The following SPATA24 variants were observed in gnomAD, a reference collection of about 807,000 sequenced individuals.
The protein encoded by SPATA24 is spermatogenesis associated 24, also known as spermatogenesis-associated protein 24.
A neutral mutation model predicts 28.9 loss-of-function variants in SPATA24; 21 were observed. The ratio of observed to expected loss-of-function variants is 0.73; its 90% CI spans 0.52 to 1.05. SPATA24 has a LOEUF of 1.05. Ranked by LOEUF, SPATA24 falls within the 50% of genes least tolerant of loss-of-function variation. The probability of loss-of-function intolerance (pLI) is 0.00; values close to 1 mark genes in which losing one functional copy is unlikely to be tolerated. For missense variants in SPATA24, 215 were observed against 242.9 expected, an observed-to-expected ratio of 0.88 and a Z score of 0.76; for synonymous variants, 76 against 89.9, an observed-to-expected ratio of 0.85 and a Z score of 0.88.
At chr5:139,393,234 G>A (rs1205555297), downstream of SPATA24, 5 of 1,548,916 alleles carry the variant, frequency 3.2e-6, no homozygotes, top group Admixed American at 9.8e-5. Flanking sequence ...CCATGCGCGG[G>A]CGTCCCGAGG....
At chr5:139,392,821 C>G, downstream of SPATA24, 2 of 1,519,750 alleles carry the variant, frequency 1.3e-6, no homozygotes, top group Non-Finnish European at 1.8e-6. The surrounding 1 kb of genome is among the most constrained non-coding windows in gnomAD (Gnocchi z 5.8). Context: ...TCCAGGGCCG[C>G]GCGCTCGCAC....
At chr5:139,393,595 G>A (rs1250323117), downstream of SPATA24, 2 of 1,550,638 alleles carry the variant, frequency 1.3e-6, no homozygotes, top group African/African-American at 1.4e-5. Context: ...CGGCGGGGAC[G>A]GGCTGCTACG....
At chr5:139,395,553 G>A (rs991743958), downstream of SPATA24, 2 of 159,190 alleles carry the variant, frequency 1.3e-5, no homozygotes, top group African/African-American at 2.4e-5. Context: ...TCAGCCCCGG[G>A]TGCCTTAGCA....
At chr5:139,399,313 T>A (rs1212690966) in intron 4 of SPATA24, among the ~76,000 whole-genome samples, 1 of 130,624 alleles carries the variant, frequency 7.7e-6, no homozygotes, top group African/African-American at 3.0e-5. Flanking sequence ...CAAGACTCCA[T>A]CTCAAAAAAA....
intron 1 of SPATA24, 121 bp from the exon 2 acceptor site, chr5:139,402,814 C>T: frequency 4.1e-6 from 3 of 728,370 alleles, no homozygotes; most frequent in Non-Finnish European, 4.7e-6. Flanking sequence ...AGACTGAGGC[C>T]TTGGGAAGGG....
Position 139,403,958 on chromosome 5 carries a change from G to T in SPATA24, c.103C>A (p.Gln35Lys). 6.4e-7 allele frequency: 1 copy of T among 1,551,570 alleles called. No homozygotes were observed. The highest frequency in any genetic ancestry group is 1.7e-4 in the Middle Eastern group (1 of 5,994). Reference protein sequence around the residue: ...VIESQEELIHQLRNVMVLQDE... With the variant: ...VIESQEELIHKLRNVMVLQDE... Reference sequence around the variant, plus strand: ...TGGCTGCATACCACGTTCCTCAGCTGGTGGATTAGTTCCTCCTGAGACTCA... The same window carrying T: ...TGGCTGCATACCACGTTCCTCAGCTTGTGGATTAGTTCCTCCTGAGACTCA... The change falls in exon 1 of 6, where the codon CAG (glutamine) becomes AAG (lysine). Residue 35 changes from glutamine (Q) to lysine (K), a missense_variant. Physicochemically the swap from Gln to Lys is moderately conservative, Grantham distance 53. Coordinates refer to ENST00000450845, the MANE Select transcript of SPATA24 (RefSeq NM_194296.2).
At chr5:139,394,319 A>C (rs1026747983), downstream of SPATA24, 3 of 1,483,926 alleles carry the variant, frequency 2.0e-6, no homozygotes, top group African/African-American at 4.3e-5. Flanking sequence ...TTTCTGGCCA[A>C]CGCCGTCTGC....
chr5:139,404,025 T>C lies in SPATA24; in HGVS notation c.36A>G (p.Ser12=), dbSNP rs886829626. The C allele has an allele frequency of 1.4e-5, 21 of 1,551,906 alleles. No homozygotes were observed. Among genetic ancestry groups the C allele is most frequent in the Admixed American group, 2.0e-5 (1 of 51,002 alleles). Residue 12 remains serine, a synonymous_variant, in exon 1 of 6, where the codon TCA becomes TCG. Coordinates refer to ENST00000450845, the MANE Select transcript of SPATA24 (RefSeq NM_194296.2). The part of the protein sequence containing the change: ...ATPLGWSKAG[S]GSVCLALDQL... ...GATCTAAAGCGAGACACACAGATCC[T>C]GACCCCGCCTTCGACCACCCGAGGG...
At chr5:139,395,208 G>GAGCCAGCGGCGCCGGCAGCAGAAA, downstream of SPATA24, 1 of 975,730 alleles carries the variant, frequency 1.0e-6, no homozygotes, top group African/African-American at 1.7e-5. Context: ...GTCCACTCCT[G>GAGCCAGCGGCGCCGGCAGCAGAAA]AGCCAGCGGC....
intron 4 of SPATA24, among the ~76,000 whole-genome samples, chr5:139,398,718 A>G (rs1758761705): frequency 6.6e-6 from 1 of 152,180 alleles, no homozygotes; most frequent in African/African-American, 2.4e-5. Flanking sequence ...AGAAAATCCT[A>G]CTGTCTTCAA....
At chr5:139,394,367 C>T (rs1176618452), downstream of SPATA24, 5 of 1,413,644 alleles carry the variant, frequency 3.5e-6, no homozygotes, top group East Asian at 1.1e-4. Context: ...CCCAGCGACT[C>T]GTCCAGGGAA....
downstream of SPATA24, chr5:139,394,791 C>T (rs1432726785): frequency 3.3e-6 from 5 of 1,528,492 alleles, no homozygotes; most frequent in African/African-American, 4.3e-5. Flanking sequence ...GCTGGGGTGG[C>T]CGTGGGCCGG....
At chr5:139,395,264 C>T (rs113760606), downstream of SPATA24, 392 of 500,526 alleles carry the variant, frequency 7.8e-4, 2 homozygotes, top group Non-Finnish European at 1.0e-3. Flanking sequence ...CCCTGTCCAG[C>T]CCCCATGCCC....
downstream of SPATA24, chr5:139,396,505 G>A (rs1446740089): frequency 1.6e-5 from 19 of 1,219,494 alleles, no homozygotes; most frequent in African/African-American, 4.6e-5. Flanking sequence ...CAGGGCTTCC[G>A]GCCCTGTAGT....
intron 4 of SPATA24, 23 bp downstream of exon 4, chr5:139,401,732 G>A (rs775344043): frequency 1.9e-5 from 29 of 1,550,922 alleles, no homozygotes; most frequent in Non-Finnish European, 2.6e-6. Flanking sequence ...AACCGTGGTG[G>A]AGAGCACGGG....
At chr5:139,392,741 C>G, downstream of SPATA24, 2 of 1,413,326 alleles carry the variant, frequency 1.4e-6, no homozygotes, top group Non-Finnish European at 1.8e-6. The surrounding 1 kb of genome is among the most constrained non-coding windows in gnomAD (Gnocchi z 5.8). Context: ...CTGCGGGCGC[C>G]GCCTAGAGGG....
downstream of SPATA24, chr5:139,393,090 C>T (rs939935179): frequency 1.3e-6 from 2 of 1,524,540 alleles, no homozygotes; most frequent in African/African-American, 2.8e-5. Flanking sequence ...GCTCTTGCGT[C>T]TTGGATTCGC....
chr5:139,392,616 AG>A, downstream of SPATA24: 1 of 1,376,120 alleles, frequency 7.3e-7, no homozygotes, highest in East Asian at 3.1e-5. The surrounding 1 kb of genome is among the most constrained non-coding windows in gnomAD (Gnocchi z 5.8). Context: ...CGGGGGCCGT[AG>A]GTGGTGTCTT....
downstream of SPATA24, among the ~76,000 whole-genome samples, chr5:139,395,992 G>A (rs1758697644): frequency 6.6e-6 from 1 of 152,292 alleles, no homozygotes; most frequent in South Asian, 2.1e-4. Flanking sequence ...CTGGTGGGGA[G>A]GCAACCACCA....
Sources: gnomAD v4.1 joint callset for allele counts (sites outside exome capture counted in the v4.1 genomes callset) on GRCh38, gnomAD v4.1.1 for gene constraint, Gnocchi (gnomAD v3.1) non-coding constraint, MANE v1.5 for transcripts, NCBI Gene and HGNC (gene_info 2026-07-23, HGNC 2026-07-21) for gene names.